Variants in ARHGAP42 observed in about 807,000 individuals in gnomAD.
ARHGAP42 encodes the protein rho GTPase-activating protein 42.
A neutral mutation model predicts 125.0 loss-of-function variants in ARHGAP42; 63 were observed. The observed-to-expected ratio is 0.50, with a 90% CI of 0.41 to 0.62. The LOEUF is 0.62. Among genes scored for constraint, ARHGAP42 ranks in the 20% least tolerant of loss-of-function variants. The pLI is 0.00. For synonymous variants in ARHGAP42, 339 were observed against 351.0 expected, an observed-to-expected ratio of 0.97 and a Z score of 0.38; for missense variants, 766 against 1,024.2, an observed-to-expected ratio of 0.75 and a Z score of 3.44.
At chr11:100,987,158 A>G (rs1858699909) in intron 22 of ARHGAP42, among the ~76,000 whole-genome samples, 1 of 152,192 alleles carries the variant, frequency 6.6e-6, no homozygotes, top group Non-Finnish European at 1.5e-5. Context: ...TGGGGTACCT[A>G]GGAACCTTCG....
At chr11:100,737,863 A>G (rs1862100152) in intron 1 of ARHGAP42, among the ~76,000 whole-genome samples, 1 of 152,202 alleles carries the variant, frequency 6.6e-6, no homozygotes, top group African/African-American at 2.4e-5. Context: ...TAGTGTTTTT[A>G]GTTGCTTGCC....
At chr11:100,813,070 C>G (rs1864184546) in intron 3 of ARHGAP42, among the ~76,000 whole-genome samples, 1 of 151,986 alleles carries the variant, frequency 6.6e-6, no homozygotes, top group African/African-American at 2.4e-5. Context: ...TGTTCAGATG[C>G]TAGGTTTATT....
chr11:100,902,959 G>C (rs892014871), intron 4 of ARHGAP42, among the ~76,000 whole-genome samples: 1 of 152,132 alleles, frequency 6.6e-6, no homozygotes. Context: ...GCCCCGAGGT[G>C]TGTTGGTTTT....
intron 8 of ARHGAP42, among the ~76,000 whole-genome samples, chr11:100,937,739 T>C (rs1867772324): frequency 6.6e-6 from 1 of 152,240 alleles, no homozygotes; most frequent in African/African-American, 2.4e-5. Context: ...TATTTTATTC[T>C]AAACAGGAAA....
intron 3 of ARHGAP42, among the ~76,000 whole-genome samples, chr11:100,818,822 GA>G (rs1864335274): frequency 6.6e-6 from 1 of 152,034 alleles, no homozygotes; most frequent in African/African-American, 2.4e-5. Flanking sequence ...TGATATCTGA[GA>G]AAACTTAGCC....
intron 4 of ARHGAP42, among the ~76,000 whole-genome samples, chr11:100,868,354 G>A (rs1865621435): frequency 6.6e-6 from 1 of 151,754 alleles, no homozygotes; most frequent in African/African-American, 2.4e-5. Flanking sequence ...CACTTTATTT[G>A]ATCATCTTTT....
intron 1 of ARHGAP42, among the ~76,000 whole-genome samples, chr11:100,736,942 G>C (rs1726698228): frequency 6.6e-6 from 1 of 152,142 alleles, no homozygotes; most frequent in Admixed American, 6.5e-5. Flanking sequence ...GCAACACTTT[G>C]AGCAAGCACT....
intron 1 of ARHGAP42, among the ~76,000 whole-genome samples, chr11:100,735,714 G>A (rs1862053351): frequency 1.3e-5 from 2 of 148,480 alleles, no homozygotes; most frequent in South Asian, 2.1e-4. Flanking sequence ...GTTCAAGCGA[G>A]TCTCCTGCCT....
intron 4 of ARHGAP42, among the ~76,000 whole-genome samples, chr11:100,899,722 G>GTTTTTTTTTTTTTTTTTTTTTTTTTTTT (rs767815247): frequency 3.0e-5 from 2 of 67,232 alleles, no homozygotes; most frequent in Non-Finnish European, 5.7e-5. Context: ...TTTGTGTTTT[G>GTTTTTTTTTTTTTTTTTTTTTTTTTTTT]TTTTTTTTTT....
intron 11 of ARHGAP42, among the ~76,000 whole-genome samples, 183 bp from the exon 12 acceptor site, chr11:100,949,734 G>A (rs1868125341): frequency 6.6e-6 from 1 of 152,124 alleles, no homozygotes; most frequent in African/African-American, 2.4e-5. Flanking sequence ...TGGGAAGTGA[G>A]GGTGGGTGAA....
At chr11:100,785,351 G>T (rs1863407545) in intron 2 of ARHGAP42, among the ~76,000 whole-genome samples, 1 of 152,156 alleles carries the variant, frequency 6.6e-6, no homozygotes, top group African/African-American at 2.4e-5. Flanking sequence ...CTGGGTTCTT[G>T]GTAGAAAGAC....
At chr11:100,689,632 C>T (rs139066975) in intron 1 of ARHGAP42, among the ~76,000 whole-genome samples, 35 of 152,232 alleles carry the variant, frequency 2.3e-4, no homozygotes, top group African/African-American at 7.9e-4. Context: ...ATCTTGGGAG[C>T]GTAGGCTCTT....
chr11:100,960,396 T>A (rs7130581), intron 13 of ARHGAP42, among the ~76,000 whole-genome samples: 7 of 151,838 alleles, frequency 4.6e-5, no homozygotes, highest in East Asian at 1.9e-4. Context: ...CCAGTTAAAC[T>A]TTAAACTCAC....
intron 3 of ARHGAP42, among the ~76,000 whole-genome samples, chr11:100,834,609 G>T (rs2135099754): frequency 1.3e-5 from 2 of 152,168 alleles, no homozygotes; most frequent in Middle Eastern, 6.8e-3. Context: ...GGTAATAGTG[G>T]GCATCAGAAG....
At chr11:100,819,378 G>A (rs1864352659) in intron 3 of ARHGAP42, among the ~76,000 whole-genome samples, 1 of 152,046 alleles carries the variant, frequency 6.6e-6, no homozygotes, top group South Asian at 2.1e-4. Context: ...GAAATGGCAG[G>A]GATAATAACT....
intron 1 of ARHGAP42, among the ~76,000 whole-genome samples, chr11:100,739,738 G>A (rs1395640001): frequency 6.6e-6 from 1 of 152,022 alleles, no homozygotes; most frequent in Non-Finnish European, 1.5e-5. Flanking sequence ...CTTGTGTACT[G>A]AAAATGCTGC....
In ARHGAP42 at chr11:100,976,917, G is replaced by T; in HGVS notation, c.2339G>T (p.Arg780Met). 1 of 1,551,506 alleles carries T rather than the reference G, an allele frequency of 6.4e-7. No homozygotes were observed. The highest frequency in any genetic ancestry group is 8.7e-7 in the Non-Finnish European group (1 of 1,146,854). Residue 780 changes from arginine (R) to methionine (M), a missense_variant, in exon 21 of 24, where the codon AGG becomes ATG. Arg to Met is a moderately conservative substitution (Grantham distance 91). Transcript: ENST00000298815. ...CCAGACCTGCCTCCGAAAATGTGCAGGAGATTAAGACTAGACACTGCCTCA... is the reference window on the plus strand; with the variant it reads ...CCAGACCTGCCTCCGAAAATGTGCATGAGATTAAGACTAGACACTGCCTCA... ...PNPDLPPKMC[R>M]RLRLDTASSN... is the part of the protein sequence containing the mutation.
At chr11:100,823,359 G>A (rs1864445609) in intron 3 of ARHGAP42, among the ~76,000 whole-genome samples, 1 of 152,132 alleles carries the variant, frequency 6.6e-6, no homozygotes, top group Non-Finnish European at 1.5e-5. Flanking sequence ...CCTCAGGATG[G>A]TGGATCACCT....
At chr11:100,705,733 T>A (rs1861472932) in intron 1 of ARHGAP42, among the ~76,000 whole-genome samples, 1 of 152,156 alleles carries the variant, frequency 6.6e-6, no homozygotes, top group African/African-American at 2.4e-5. Context: ...ATTTAATTAT[T>A]TTTTATTTTA....
Sources: gnomAD v4.1 joint callset for allele counts (sites outside exome capture counted in the v4.1 genomes callset) on GRCh38, gnomAD v4.1.1 for gene constraint, MANE v1.5 for transcripts, NCBI Gene and HGNC (gene_info 2026-07-23, HGNC 2026-07-21) for gene names.